DLGAP2: variants seen among roughly 807,000 people sequenced by gnomAD.
DLGAP2 encodes the protein DLG associated protein 2.
DLGAP2 carries 26 observed loss-of-function variants against 100.3 expected under a neutral mutation model. That is an observed-to-expected ratio of 0.26 (90% CI 0.19 to 0.36). The LOEUF (loss-of-function observed/expected upper bound fraction) is 0.36, where lower values mean the gene tolerates loss of function less well. DLGAP2 is among the 10% of genes least tolerant of loss of function. The pLI is 1.00. For missense variants in DLGAP2, 1,858 were observed against 1,453.2 expected (o/e 1.28, Z -4.53); for synonymous variants, 886 against 630.1 (o/e 1.41, Z -6.08).
chr8:822,259 T>G (rs2132687499), intron 1 of DLGAP2: 1 of 399,442 alleles, frequency 2.5e-6, no homozygotes, highest in Non-Finnish European at 4.4e-6. Flanking sequence ...CAGCATTTGC[T>G]TACTTCCTGC....
intron 5 of DLGAP2, among the ~76,000 whole-genome samples, chr8:1,558,407 T>C (rs1461946494): frequency 6.6e-6 from 1 of 152,156 alleles, no homozygotes; most frequent in African/African-American, 2.4e-5. Flanking sequence ...GACACACCTA[T>C]GGGTCAGGAG....
intron 11 of DLGAP2, 31 bp from the exon 12 acceptor site, chr8:1,678,183 T>A: frequency 6.3e-7 from 1 of 1,580,560 alleles, no homozygotes; most frequent in Non-Finnish European, 8.6e-7. Flanking sequence ...TCAGAAGGGC[T>A]ACCATCTGTC....
At position 1,568,726 on chromosome 8, in the gene DLGAP2, A is replaced by C. The variant is rs1245537592; in HGVS notation, c.1442+2832A>C. 1.6e-5 allele frequency among the ~76,000 whole-genome samples: 2 copies of C among 127,958 alleles called. 1 individual carries two copies. The highest frequency in any genetic ancestry group is 5.0e-4 in the East Asian group (2 of 4,026). 83.9% of individuals were successfully genotyped at this position (127,958 alleles called of 152,430 possible). ...CCATGCCACTGCCCACTCAGCAGAC[A>C]CAATTCCGCTCTGCCCGTGGCCCCC... On this transcript the variant is annotated intron_variant, in intron 6 of 14. Transcript: ENST00000637795.
At chr8:1,556,365 C>T (rs548209637) in intron 5 of DLGAP2, among the ~76,000 whole-genome samples, 1 of 152,154 alleles carries the variant, frequency 6.6e-6, no homozygotes, top group South Asian at 2.1e-4. Context: ...TGAGGGTCTG[C>T]TCCTGCAGGA....
chr8:766,866 A>G (rs1821228451), intron 1 of DLGAP2, among the ~76,000 whole-genome samples: 1 of 152,100 alleles, frequency 6.6e-6, no homozygotes, highest in African/African-American at 2.4e-5. Context: ...TGTGTTTTCT[A>G]GTTCCTTGGG....
chr8:1,316,345 G>A (rs138459148), intron 3 of DLGAP2, among the ~76,000 whole-genome samples: 11,427 of 132,460 alleles, frequency 0.086, 311 homozygotes, highest in South Asian at 0.12. Flanking sequence ...GAGCCTGTGC[G>A]AGTGCAGCGT....
intron 1 of DLGAP2, among the ~76,000 whole-genome samples, chr8:785,368 T>A (rs917138008): frequency 6.7e-6 from 1 of 150,366 alleles, no homozygotes; most frequent in African/African-American, 2.4e-5. Flanking sequence ...GCCGGGCCCC[T>A]GCACCTCATG....
At chr8:1,485,472 T>A (rs1563177103) in intron 3 of DLGAP2, among the ~76,000 whole-genome samples, 3 of 152,262 alleles carry the variant, frequency 2.0e-5, no homozygotes, top group Non-Finnish European at 4.4e-5. Context: ...AAAGCATGTA[T>A]GTAAGTAATG....
chr8:890,542 C>G (rs1055115035), intron 1 of DLGAP2, among the ~76,000 whole-genome samples: 1 of 151,992 alleles, frequency 6.6e-6, no homozygotes, highest in Non-Finnish European at 1.5e-5. Flanking sequence ...TTCTGGGTCT[C>G]GATGGCGCCT....
At chr8:893,229 A>G (rs539707294) in intron 1 of DLGAP2, 1 of 152,296 alleles carries the variant, frequency 6.6e-6, no homozygotes, top group South Asian at 2.1e-4. Context: ...ATGTGGGGTC[A>G]TGGGAGAGTC....
chr8:1,648,203 G>C (rs1037770910), intron 8 of DLGAP2, among the ~76,000 whole-genome samples: 1 of 152,158 alleles, frequency 6.6e-6, no homozygotes, highest in African/African-American at 2.4e-5. Flanking sequence ...CTAACTTAGA[G>C]GACTCTGACG....
intron 3 of DLGAP2, among the ~76,000 whole-genome samples, chr8:1,466,809 G>A (rs1158812989): frequency 6.6e-6 from 1 of 152,148 alleles, no homozygotes; most frequent in South Asian, 2.1e-4. Flanking sequence ...CTGTTTTCCA[G>A]GAAGTGGCCA....
At chr8:1,326,880 AAC>A (rs540060280) in intron 3 of DLGAP2, among the ~76,000 whole-genome samples, 115 of 152,314 alleles carry the variant, frequency 7.6e-4, no homozygotes, top group Admixed American at 3.2e-3. Flanking sequence ...GAAACATGTA[AAC>A]ACAGTGACAA....
At chr8:1,059,247 C>T (rs774552494) in intron 2 of DLGAP2, among the ~76,000 whole-genome samples, 2 of 152,100 alleles carry the variant, frequency 1.3e-5, no homozygotes, top group East Asian at 1.9e-4. Flanking sequence ...CCCCTGCCCA[C>T]TCACCCCTCG....
At chr8:1,539,283 C>T (rs1215486847) in intron 4 of DLGAP2, among the ~76,000 whole-genome samples, 5 of 152,206 alleles carry the variant, frequency 3.3e-5, no homozygotes, top group South Asian at 2.1e-4. Context: ...GGGACTTAAT[C>T]GCTGCTGTTG....
chr8:1,069,533 C>T (rs372888436), intron 2 of DLGAP2, among the ~76,000 whole-genome samples: 1 of 152,148 alleles, frequency 6.6e-6, no homozygotes, highest in South Asian at 2.1e-4. Context: ...CTGGGGAGAA[C>T]AGTGGGACCT....
intron 2 of DLGAP2, among the ~76,000 whole-genome samples, chr8:1,008,212 T>C (rs1008077975): frequency 3.3e-5 from 5 of 152,356 alleles, no homozygotes; most frequent in Admixed American, 1.3e-4. Context: ...AAGATAAATG[T>C]CAGTAGTTAT....
chr8:818,385 A>C (rs993675724), intron 1 of DLGAP2, among the ~76,000 whole-genome samples: 1 of 152,238 alleles, frequency 6.6e-6, no homozygotes, highest in South Asian at 2.1e-4. Context: ...GTCTATTTCC[A>C]GGCAGCCAGT....
chr8:864,160 C>T (rs796646568), intron 1 of DLGAP2, among the ~76,000 whole-genome samples: 32 of 152,118 alleles, frequency 2.1e-4, no homozygotes, highest in African/African-American at 5.5e-4. Flanking sequence ...AGGAGCAGAG[C>T]GTAGAGTGAT....
Sources: allele counts gnomAD v4.1 joint callset (sites outside exome capture counted in the v4.1 genomes callset), GRCh38; gene constraint gnomAD v4.1.1; transcripts MANE v1.5; gene names NCBI Gene and HGNC (gene_info 2026-07-23, HGNC 2026-07-21).